Variants in CLTRN observed in about 807,000 individuals in gnomAD.
CLTRN encodes the protein collectrin.
A neutral mutation model predicts 14.5 loss-of-function variants in CLTRN; 12 were observed. The observed-to-expected ratio is 0.83, with a 90% CI of 0.53 to 1.34. The LOEUF is 1.34. Among genes scored for constraint, CLTRN ranks in the 40% most tolerant of loss-of-function variants. The probability of loss-of-function intolerance (pLI) is 0.00; values close to 1 mark genes in which losing one functional copy is unlikely to be tolerated. For missense variants in CLTRN, 154 were observed against 165.1 expected, an observed-to-expected ratio of 0.93 and a Z score of 0.37; for synonymous variants, 58 against 56.5, an observed-to-expected ratio of 1.03 and a Z score of -0.12.
chrX:15,648,383 A>G (rs1439061757), intron 3 of CLTRN, among the ~76,000 whole-genome samples: 2 of 111,835 alleles, frequency 1.8e-5, no homozygotes, highest in African/African-American at 6.5e-5. Context: ...TCTGAGCTCT[A>G]TCTACCAGGT....
intron 3 of CLTRN, among the ~76,000 whole-genome samples, chrX:15,647,563 A>G: frequency 9.2e-5 from 7 of 75,788 alleles, no homozygotes; most frequent in Admixed American, 1.4e-4. Flanking sequence ...AGGGGGAGGG[A>G]GGAGCGGGAA....
chrX:15,670,291 A>T (rs956469029), intron 1 of CLTRN, among the ~76,000 whole-genome samples: 1 of 92,798 alleles, frequency 1.1e-5, no homozygotes, highest in Non-Finnish European at 2.1e-5. Flanking sequence ...AATAAAAAAA[A>T]CAAAAACCAA....
At chrX:15,656,940 C>T (rs1277812281) in intron 3 of CLTRN, among the ~76,000 whole-genome samples, 1 of 111,080 alleles carries the variant, frequency 9.0e-6, no homozygotes, top group Non-Finnish European at 1.9e-5. Flanking sequence ...GGTGCCATTA[C>T]TTGCAATGGC....
intron 5 of CLTRN, among the ~76,000 whole-genome samples, chrX:15,630,756 C>T (rs1308702341): frequency 8.9e-6 from 1 of 111,823 alleles, no homozygotes. Flanking sequence ...GGAGTGAAGA[C>T]ACCACACTGG....
At chrX:15,636,258 C>A (rs1321010303) in intron 5 of CLTRN, among the ~76,000 whole-genome samples, 9 of 112,034 alleles carry the variant, frequency 8.0e-5, no homozygotes, top group African/African-American at 2.9e-4. Context: ...TATGTTCAAC[C>A]CAGCACTACT....
chrX:15,632,956 C>T (rs1569248562), intron 5 of CLTRN, among the ~76,000 whole-genome samples: 1 of 105,544 alleles, frequency 9.5e-6, no homozygotes, highest in East Asian at 3.0e-4. Context: ...CAATAAAAGA[C>T]AGACAAATAT....
Position 15,659,003 on chromosome X carries a change from A to T in CLTRN, c.203+13T>A. 9.5e-7 allele frequency: 1 copy of T among 1,050,354 alleles called. No homozygotes were observed. The highest frequency in any genetic ancestry group is 1.3e-6 in the Non-Finnish European group (1 of 758,424). 86.6% of individuals were successfully genotyped at this position (1,050,354 alleles called of 1,213,427 possible). Reference sequence around the variant, plus strand: ...TGTAAATAATCAGTTAAGATTTCTCATTATTTGCTTACTCTGTTGCTTCTC... The same window carrying T: ...TGTAAATAATCAGTTAAGATTTCTCTTTATTTGCTTACTCTGTTGCTTCTC... On this transcript the variant is annotated intron_variant, in intron 3 of 5. Transcript: ENST00000380342.
At chrX:15,646,458 A>ACCCCCCCCCTCCCCC in intron 3 of CLTRN, 1 of 228,796 alleles carries the variant, frequency 4.4e-6, no homozygotes, top group Non-Finnish European at 8.0e-6. Context: ...AAAACCGCGC[A>ACCCCCCCCCTCCCCC]CCCACCCCCC....
chrX:15,643,080 A>G (rs1416236990), intron 4 of CLTRN, among the ~76,000 whole-genome samples: 1 of 111,731 alleles, frequency 9.0e-6, no homozygotes, highest in East Asian at 2.8e-4. Context: ...CCTGGGCAAC[A>G]AAGCCAGACT....
intron 3 of CLTRN, among the ~76,000 whole-genome samples, chrX:15,650,499 T>A (rs868151361): frequency 2.6e-4 from 29 of 112,236 alleles, no homozygotes; most frequent in Middle Eastern, 4.6e-3. Flanking sequence ...CTGAATTTTT[T>A]AAAAATTCTT....
At chrX:15,634,626 T>A (rs1928772908) in intron 5 of CLTRN, among the ~76,000 whole-genome samples, 1 of 110,211 alleles carries the variant, frequency 9.1e-6, no homozygotes. Context: ...CCACTTGTTC[T>A]GCTCCCTAAT....
chrX:15,659,196 ACACACACACACACACACG>A (rs1393725811), intron 2 of CLTRN, 95 bp from the exon 3 acceptor site: 5 of 318,358 alleles, frequency 1.6e-5, no homozygotes, highest in Non-Finnish European at 2.4e-5. Flanking sequence ...CTCTCTCCAC[ACACACACACACACACACG>A]CACACACACA....
Position 15,644,992 on chromosome X carries a change from C to T in CLTRN, c.241G>A (p.Val81Ile), listed in dbSNP as rs1569251132. ...HVLLCNVTQR[V>I]SFWFVVTDPS... ...TCTGTAACCACAAACCAGAATGATA[C>T]CCTCTGGGTTACATTGCAAAGTAGG... The change falls in exon 4 of 6, where the codon GTA becomes ATA. Residue 81 changes from valine to isoleucine, a missense_variant. Coordinates refer to ENST00000380342, the MANE Select transcript of CLTRN (RefSeq NM_020665.6). 1 of 1,202,146 alleles carries T rather than the reference C, an allele frequency of 8.3e-7. No homozygotes were observed. The highest frequency in any genetic ancestry group is 1.1e-6 in the Non-Finnish European group (1 of 891,829).
At chrX:15,634,217 G>GT (rs1365514023) in intron 5 of CLTRN, among the ~76,000 whole-genome samples, 10 of 111,696 alleles carry the variant, frequency 9.0e-5, no homozygotes, top group Non-Finnish European at 1.3e-4. Flanking sequence ...GGTCATGCTA[G>GT]TAACTTAAAT....
rs188594976 is a variant in CLTRN at position 15,657,585 on chromosome X, G to C, written c.203+1431C>G. ...GAAGGGCTAGAAGAAAATACAAAGA[G>C]AATATTTAAGAGGTTACCATTGTGA... On this transcript the variant is annotated intron_variant, in intron 3 of 5. Transcript: ENST00000380342. Among the ~76,000 whole-genome samples, 465 of 111,471 alleles carry C rather than the reference G, an allele frequency of 4.2e-3. 3 individuals are homozygous for C. Among genetic ancestry groups the C allele is most frequent in the African/African-American group, 0.015 (450 of 30,773 alleles).
intron 5 of CLTRN, among the ~76,000 whole-genome samples, chrX:15,629,136 C>G (rs1012541004): frequency 9.0e-6 from 1 of 111,683 alleles, no homozygotes; most frequent in Non-Finnish European, 1.9e-5. Context: ...TGATGTTAGG[C>G]ATGAGGCTCC....
At chrX:15,629,921 T>A (rs1173363531) in intron 5 of CLTRN, among the ~76,000 whole-genome samples, 2 of 111,560 alleles carry the variant, frequency 1.8e-5, no homozygotes, top group African/African-American at 6.5e-5. Context: ...CCCCTCCAAT[T>A]TGTTTTGACC....
rs1448486439 is a variant in CLTRN, at chrX:15,653,700, G to A, written c.203+5316C>T. On this transcript the variant is annotated intron_variant, in intron 3 of 5. Coordinates refer to ENST00000380342, the MANE Select transcript of CLTRN (RefSeq NM_020665.6). ...TGTCCACAGTTGCATCTGACATGGTGGGGCACACCAGTGACCAATGCAGTG... is the reference window on the plus strand; with the variant it reads ...TGTCCACAGTTGCATCTGACATGGTAGGGCACACCAGTGACCAATGCAGTG... 3.6e-5 allele frequency among the ~76,000 whole-genome samples: 4 copies of A among 111,758 alleles called. No homozygotes were observed. The Admixed American group carries it at 3.8e-4, about 11-fold the overall frequency.
chrX:15,657,179 C>T (rs1196263478), intron 3 of CLTRN, among the ~76,000 whole-genome samples: 1 of 110,995 alleles, frequency 9.0e-6, no homozygotes, highest in Non-Finnish European at 1.9e-5. Flanking sequence ...TTTGTAGAAA[C>T]GAGGTTTTGC....
Sources: gnomAD v4.1 joint callset for allele counts (sites outside exome capture counted in the v4.1 genomes callset) on GRCh38, gnomAD v4.1.1 for gene constraint, MANE v1.5 for transcripts, NCBI Gene and HGNC (gene_info 2026-07-23, HGNC 2026-07-21) for gene names.